Variants in SMYD3 observed in about 807,000 individuals in gnomAD.
SMYD3 encodes SET and MYND domain containing 3, also known as histone-lysine N-methyltransferase SMYD3.
In SMYD3, 36 loss-of-function variants were observed where a neutral mutation model predicts 57.7. The observed-to-expected ratio is 0.62, with a 90% CI of 0.48 to 0.82. The LOEUF (loss-of-function observed/expected upper bound fraction) is 0.82, where lower values mean the gene tolerates loss of function less well. SMYD3 is among the 40% of genes least tolerant of loss of function. SMYD3 has a pLI of 0.00. For missense variants in SMYD3, 515 were observed against 538.8 expected, an observed-to-expected ratio of 0.96 and a Z score of 0.44; for synonymous variants, 211 against 195.0, an observed-to-expected ratio of 1.08 and a Z score of -0.68.
intron 8 of SMYD3, among the ~76,000 whole-genome samples, chr1:245,880,643 ACCT>A (rs746771747): frequency 1.3e-5 from 2 of 152,200 alleles, no homozygotes; most frequent in Non-Finnish European, 2.9e-5. Context: ...AGACAGGTTA[ACCT>A]CCTCAAGTTC....
At chr1:246,394,908 C>T (rs1450053727) in intron 1 of SMYD3, among the ~76,000 whole-genome samples, 1 of 151,288 alleles carries the variant, frequency 6.6e-6, no homozygotes, top group Non-Finnish European at 1.5e-5. Flanking sequence ...CGTAGCTATG[C>T]TTTATGATAT....
intron 5 of SMYD3, among the ~76,000 whole-genome samples, chr1:245,978,546 T>C (rs2058511220): frequency 6.6e-6 from 1 of 151,974 alleles, no homozygotes; most frequent in Non-Finnish European, 1.5e-5. Flanking sequence ...TCATCTTTAT[T>C]AGAAAAAAAA....
chr1:246,035,317 T>A (rs997399072), intron 5 of SMYD3: 3 of 152,204 alleles, frequency 2.0e-5, no homozygotes. Context: ...CTCAATGCCA[T>A]CTTGCTGCAA....
chr1:246,413,501 A>C (rs554291248), intron 1 of SMYD3, among the ~76,000 whole-genome samples: 1 of 152,172 alleles, frequency 6.6e-6, no homozygotes, highest in African/African-American at 2.4e-5. Context: ...GTTTGAATAT[A>C]CGTCCCCACC....
At chr1:245,887,687 C>T (rs1029758615) in intron 8 of SMYD3, among the ~76,000 whole-genome samples, 1 of 152,136 alleles carries the variant, frequency 6.6e-6, no homozygotes. Flanking sequence ...TGCCACTATA[C>T]TTCAAACAGG....
chr1:246,316,725 G>A (rs2065166535), intron 5 of SMYD3, among the ~76,000 whole-genome samples: 1 of 149,126 alleles, frequency 6.7e-6, no homozygotes, highest in Admixed American at 6.7e-5. Flanking sequence ...GCCAGGCACG[G>A]TGGCTCATGC....
intron 5 of SMYD3, among the ~76,000 whole-genome samples, chr1:246,012,626 C>A (rs954978109): frequency 2.0e-5 from 3 of 152,174 alleles, no homozygotes; most frequent in African/African-American, 7.2e-5. Flanking sequence ...TGTGTAAATG[C>A]AGTTTCACCA....
chr1:246,284,398 G>A (rs929183703), intron 5 of SMYD3, among the ~76,000 whole-genome samples: 6 of 150,438 alleles, frequency 4.0e-5, no homozygotes, highest in African/African-American at 1.2e-4. Flanking sequence ...CATTCTCTGA[G>A]GTTTCTAATT....
rs576309692 is a variant in SMYD3 at position 246,203,464 on chromosome 1, C to T, written c.531+123737G>A. On this transcript the variant is annotated intron_variant, in intron 5 of 11. Coordinates refer to ENST00000490107, the MANE Select transcript of SMYD3 (RefSeq NM_001167740.2). This position sits in a 1 kb window ranked among gnomAD's most constrained non-coding sequence, Gnocchi z 4.6. ...CAACTGATTCTCACAGTTCTGGAGT[C>T]TGGAAGTTCAAGATGAAAGTATCTA... 6.6e-6 allele frequency among the ~76,000 whole-genome samples: 1 copy of T among 152,310 alleles called. No individual in the cohort carries two copies. The highest frequency in any genetic ancestry group is 2.1e-4 in the South Asian group (1 of 4,824).
chr1:246,202,178 CT>C lies in SMYD3; in HGVS notation c.531+125022del, dbSNP rs1231232180. Among the ~76,000 whole-genome samples, 1 of 151,968 alleles carries C rather than the reference CT, an allele frequency of 6.6e-6. No individual in the cohort carries two copies. Among genetic ancestry groups the C allele is most frequent in the Non-Finnish European group, 1.5e-5 (1 of 68,010 alleles). On this transcript the variant is annotated intron_variant, in intron 5 of 11. Transcript: ENST00000490107. The surrounding 1 kb of genome is among the most constrained non-coding windows in gnomAD (Gnocchi z 4.1). ...ACTTAACGATATTTTCTATAATGTA[CT>C]TTTATGATTTGAAATATTTTTAATT... is the stretch of plus-strand genomic sequence containing the variant.
chr1:246,457,572 A>C (rs1263640610), intron 1 of SMYD3, among the ~76,000 whole-genome samples: 1 of 151,730 alleles, frequency 6.6e-6, no homozygotes, highest in East Asian at 1.9e-4. Context: ...AAGAAAAGAA[A>C]AGAAAAAGAA....
chr1:246,135,246 T>C (rs1390845494), intron 5 of SMYD3, among the ~76,000 whole-genome samples: 1 of 152,144 alleles, frequency 6.6e-6, no homozygotes, highest in Non-Finnish European at 1.5e-5. Flanking sequence ...GAGTAGGACC[T>C]TTGGTCCCAT....
chr1:246,336,630 C>T (rs2065548655), intron 2 of SMYD3, among the ~76,000 whole-genome samples: 1 of 152,174 alleles, frequency 6.6e-6, no homozygotes, highest in Admixed American at 6.5e-5. Flanking sequence ...ATTTACTTAG[C>T]ATTCTACAAG....
chr1:246,333,079 C>G (rs1266083028), intron 3 of SMYD3, among the ~76,000 whole-genome samples: 1 of 152,146 alleles, frequency 6.6e-6, no homozygotes, highest in African/African-American at 2.4e-5. Flanking sequence ...TAGGTTGAAG[C>G]CAGTGTTCAT....
Position 246,473,004 on chromosome 1 carries a change from A to C in SMYD3, c.164+34050T>G, listed in dbSNP as rs1367968429. 1.3e-4 allele frequency among the ~76,000 whole-genome samples: 19 copies of C among 151,810 alleles called. No homozygotes were observed. The East Asian group carries it at 3.3e-3, about 26-fold the overall frequency. Reference sequence around the variant, plus strand: ...CCCAAGTAGCTGGGATTACAGGCACATGCCACCACACCCAGCTGATTTTTG... The same window carrying C: ...CCCAAGTAGCTGGGATTACAGGCACCTGCCACCACACCCAGCTGATTTTTG... On this transcript the variant is annotated intron_variant, in intron 1 of 11. Coordinates refer to ENST00000490107, the MANE Select transcript of SMYD3 (RefSeq NM_001167740.2).
chr1:246,267,273 A>C (rs779115771), intron 5 of SMYD3, among the ~76,000 whole-genome samples: 1 of 152,252 alleles, frequency 6.6e-6, no homozygotes, highest in South Asian at 2.1e-4. Context: ...GCAAATGGTC[A>C]TGCATTAACA....
intron 5 of SMYD3, among the ~76,000 whole-genome samples, chr1:246,161,509 C>T (rs1328539452): frequency 1.3e-5 from 2 of 152,160 alleles, no homozygotes; most frequent in Non-Finnish European, 2.9e-5. Context: ...CCTTTGATTT[C>T]GATGGTCTCC....
intron 1 of SMYD3, among the ~76,000 whole-genome samples, chr1:246,390,215 A>G (rs942390917): frequency 4.5e-4 from 1 of 2,214 alleles, no homozygotes; most frequent in African/African-American, 8.7e-4. Context: ...TTCTGTCTCC[A>G]AAAAAAAAAA....
At chr1:246,148,039 T>A (rs1304554646) in intron 5 of SMYD3, among the ~76,000 whole-genome samples, 3 of 150,154 alleles carry the variant, frequency 2.0e-5, no homozygotes, top group Non-Finnish European at 2.9e-5. Context: ...GGCAGAGAGA[T>A]TCCTGGGTGG....
Sources: gnomAD v4.1 joint callset for allele counts (sites outside exome capture counted in the v4.1 genomes callset) on GRCh38, gnomAD v4.1.1 for gene constraint, Gnocchi (gnomAD v3.1) non-coding constraint, MANE v1.5 for transcripts, NCBI Gene and HGNC (gene_info 2026-07-23, HGNC 2026-07-21) for gene names.